The following CCDC178 variants were observed in gnomAD, a reference collection of about 807,000 sequenced individuals.
The protein encoded by CCDC178 is coiled-coil domain containing 178, also known as coiled-coil domain-containing protein 178.
In CCDC178, 126 loss-of-function variants were observed where a neutral mutation model predicts 117.4. The ratio of observed to expected loss-of-function variants is 1.07; its 90% CI spans 0.93 to 1.24. CCDC178 has a LOEUF of 1.24. Ranked by LOEUF, CCDC178 falls within the 50% of genes most tolerant of loss-of-function variation. CCDC178 has a pLI of 0.00. For synonymous variants in CCDC178, 283 were observed against 313.4 expected (o/e 0.90, Z 1.02); for missense variants, 1,030 against 986.9 (o/e 1.04, Z -0.59).
intron 21 of CCDC178, among the ~76,000 whole-genome samples, chr18:33,087,761 G>A (rs899186258): frequency 6.6e-6 from 1 of 152,110 alleles, no homozygotes; most frequent in Non-Finnish European, 1.5e-5. Flanking sequence ...CACTATCAAA[G>A]CACAGTTATA....
intron 20 of CCDC178, among the ~76,000 whole-genome samples, chr18:33,121,045 T>C (rs988778342): frequency 1.3e-5 from 2 of 152,164 alleles, no homozygotes; most frequent in Admixed American, 6.6e-5. Context: ...GATTTTTTGA[T>C]GTGTCAACTT....
intron 12 of CCDC178, among the ~76,000 whole-genome samples, chr18:33,268,871 A>T (rs755622157): frequency 7.9e-5 from 12 of 151,836 alleles, no homozygotes; most frequent in Non-Finnish European, 1.3e-4. Flanking sequence ...GCAACAATCT[A>T]GGGAGCACTG....
chr18:33,341,131 A>G (rs4538080), intron 9 of CCDC178, among the ~76,000 whole-genome samples: 68,152 of 152,064 alleles, frequency 0.45, 17,379 homozygotes, highest in African/African-American at 0.7. Context: ...TTACATCAGC[A>G]TGACCTGGAT....
At chr18:33,298,124 C>A (rs867800747) in intron 11 of CCDC178, among the ~76,000 whole-genome samples, 2 of 151,696 alleles carry the variant, frequency 1.3e-5, no homozygotes, top group South Asian at 4.2e-4. Context: ...TAACTCATTC[C>A]ACAAGACCGC....
chr18:33,216,103 A>G (rs570245517), intron 18 of CCDC178, among the ~76,000 whole-genome samples: 6 of 152,118 alleles, frequency 3.9e-5, no homozygotes, highest in African/African-American at 1.4e-4. Context: ...GTCTCTAAAA[A>G]AACAACTGAG....
chr18:33,413,342 T>C (rs1326867074), intron 2 of CCDC178, among the ~76,000 whole-genome samples: 3 of 152,134 alleles, frequency 2.0e-5, no homozygotes, highest in Non-Finnish European at 4.4e-5. Context: ...AAGTAAGCTA[T>C]AGAAAAGAGC....
At chr18:33,174,556 T>A (rs1487307197) in intron 20 of CCDC178, among the ~76,000 whole-genome samples, 4 of 152,132 alleles carry the variant, frequency 2.6e-5, no homozygotes, top group Admixed American at 6.5e-5. Flanking sequence ...AAGAGGACAC[T>A]GACCAAAGAT....
chr18:32,984,972 A>C (rs959954423), intron 21 of CCDC178, among the ~76,000 whole-genome samples: 8 of 151,862 alleles, frequency 5.3e-5, no homozygotes, highest in African/African-American at 1.9e-4. Context: ...TGGTTGAGCA[A>C]TTTTCTCTGA....
At chr18:33,382,414 C>T (rs1040523949) in intron 5 of CCDC178, among the ~76,000 whole-genome samples, 1 of 152,096 alleles carries the variant, frequency 6.6e-6, no homozygotes, top group African/African-American at 2.4e-5. Context: ...TAGAAACAGC[C>T]ATCTTGGAAT....
chr18:33,356,280 A>G, intron 7 of CCDC178, 44 bp downstream of exon 7: 2 of 1,441,728 alleles, frequency 1.4e-6, no homozygotes, highest in Non-Finnish European at 1.9e-6. Context: ...TGAAATTTGG[A>G]CATTAAAAAT....
intron 20 of CCDC178, among the ~76,000 whole-genome samples, chr18:33,188,954 T>A (rs2058826920): frequency 6.6e-6 from 1 of 152,160 alleles, no homozygotes; most frequent in Non-Finnish European, 1.5e-5. Context: ...GAACTTGAAG[T>A]TGAAACTTCC....
At chr18:33,122,476 A>C (rs1217155026) in intron 20 of CCDC178, among the ~76,000 whole-genome samples, 1 of 152,138 alleles carries the variant, frequency 6.6e-6, no homozygotes, top group African/African-American at 2.4e-5. Flanking sequence ...TAGCAGGCAT[A>C]ATGCTGTGTT....
At position 33,170,378 on chromosome 18, in the gene CCDC178, A is replaced by C. The variant is rs961435079; in HGVS notation, c.2238+41518T>G. Among the ~76,000 whole-genome samples, 4 of 152,178 alleles carry C rather than the reference A, an allele frequency of 2.6e-5. No homozygotes were observed. In the East Asian group the frequency reaches 7.7e-4, roughly 29 times the overall value. ...TTGAAGTTCTTTTGGATTCTTAACCAAAAGAACTTATTAAAACTAAATAAC... is the reference window on the plus strand; with the variant it reads ...TTGAAGTTCTTTTGGATTCTTAACCCAAAGAACTTATTAAAACTAAATAAC... On this transcript the variant is annotated intron_variant, in intron 20 of 22. Coordinates refer to ENST00000383096, the MANE Select transcript of CCDC178 (RefSeq NM_001105528.4).
chr18:33,119,882 G>A (rs1297559092), intron 20 of CCDC178, among the ~76,000 whole-genome samples: 5 of 152,116 alleles, frequency 3.3e-5, no homozygotes, highest in African/African-American at 1.2e-4. Flanking sequence ...CATGTCCTTT[G>A]TAGGGACGTG....
chr18:32,975,357 T>C (rs1392973150), intron 21 of CCDC178, among the ~76,000 whole-genome samples: 3 of 152,170 alleles, frequency 2.0e-5, no homozygotes, highest in African/African-American at 7.2e-5. Context: ...ACATGTTTAA[T>C]ACAGGATCTG....
intron 20 of CCDC178, among the ~76,000 whole-genome samples, chr18:33,116,063 T>C (rs2057852677): frequency 6.6e-6 from 1 of 152,128 alleles, no homozygotes; most frequent in African/African-American, 2.4e-5. Flanking sequence ...ATTGCCACAC[T>C]GAGCTTAGCC....
intron 11 of CCDC178, among the ~76,000 whole-genome samples, chr18:33,313,829 C>T (rs939285341): frequency 6.6e-6 from 1 of 152,262 alleles, no homozygotes; most frequent in Admixed American, 6.5e-5. Context: ...TTAAGCTCAG[C>T]GCCTCAGGAC....
At chr18:33,430,613 C>T (rs1278610663) in intron 2 of CCDC178, among the ~76,000 whole-genome samples, 1 of 152,092 alleles carries the variant, frequency 6.6e-6, no homozygotes, top group African/African-American at 2.4e-5. Flanking sequence ...TGGATCCCTA[C>T]GCCACTCCTT....
At chr18:33,096,116 A>AC (rs143676048) in intron 20 of CCDC178, among the ~76,000 whole-genome samples, 12,353 of 139,792 alleles carry the variant, frequency 0.088, 691 homozygotes, top group African/African-American at 0.17. Context: ...TCTACTCCCC[A>AC]CCCCCCCCAC....
Sources: allele counts gnomAD v4.1 joint callset (sites outside exome capture counted in the v4.1 genomes callset), GRCh38; gene constraint gnomAD v4.1.1; transcripts MANE v1.5; gene names NCBI Gene and HGNC (gene_info 2026-07-23, HGNC 2026-07-21).